Variants in PSAT1 observed in about 807,000 individuals in gnomAD.
PSAT1 encodes phosphoserine aminotransferase 1.
PSAT1 carries 41 observed loss-of-function variants against 40.3 expected under a neutral mutation model. The ratio of observed to expected loss-of-function variants is 1.02; its 90% CI spans 0.79 to 1.32. PSAT1 has a LOEUF of 1.32. Ranked by LOEUF, PSAT1 falls within the 40% of genes most tolerant of loss-of-function variation. PSAT1 has a pLI of 0.00. For missense variants in PSAT1, 406 were observed against 455.8 expected, an observed-to-expected ratio of 0.89 and a Z score of 0.99; for synonymous variants, 147 against 170.5, an observed-to-expected ratio of 0.86 and a Z score of 1.07.
chr9:78,299,886 A>G (rs1398168550), intron 1 of PSAT1, among the ~76,000 whole-genome samples: 1 of 152,060 alleles, frequency 6.6e-6, no homozygotes, highest in Non-Finnish European at 1.5e-5. Flanking sequence ...GCTGTGTTTT[A>G]ATGATGCCCT....
intron 3 of PSAT1, among the ~76,000 whole-genome samples, chr9:78,303,173 T>A (rs1326677640): frequency 6.6e-6 from 1 of 152,176 alleles, no homozygotes; most frequent in Non-Finnish European, 1.5e-5. Flanking sequence ...TTAACAAAAT[T>A]GGAATTATAC....
intron 8 of PSAT1, 21 bp downstream of exon 8, chr9:78,328,209 C>T (rs748218076): frequency 5.8e-5 from 93 of 1,613,678 alleles, no homozygotes; most frequent in Middle Eastern, 5.0e-4. Flanking sequence ...CTGCAATGCA[C>T]GAGCTTGGCA....
intron 6 of PSAT1, among the ~76,000 whole-genome samples, chr9:78,310,753 G>T (rs1350686869): frequency 6.6e-6 from 1 of 151,948 alleles, no homozygotes; most frequent in Admixed American, 6.6e-5. Context: ...GAGTACAGAC[G>T]CCTGCCACCA....
At chr9:78,301,388 G>A (rs572400645) in intron 2 of PSAT1, among the ~76,000 whole-genome samples, 3 of 152,166 alleles carry the variant, frequency 2.0e-5, no homozygotes, top group Non-Finnish European at 2.9e-5. Flanking sequence ...TGAAGACCTC[G>A]CACATTGATA....
chr9:78,314,386 G>A (rs1273450693), intron 6 of PSAT1, among the ~76,000 whole-genome samples: 1 of 105,382 alleles, frequency 9.5e-6, no homozygotes, highest in African/African-American at 3.9e-5. Flanking sequence ...CTCTTATCCT[G>A]TGTTAAGTAG....
chr9:78,314,722 G>A (rs1486130124), intron 6 of PSAT1, among the ~76,000 whole-genome samples: 3 of 152,122 alleles, frequency 2.0e-5, no homozygotes, highest in Admixed American at 6.5e-5. Flanking sequence ...CATGGGCGGC[G>A]AGTGTGAGCA....
chr9:78,297,148 G>A lies in PSAT1; in HGVS notation c.-63G>A. On this transcript the variant is annotated 5_prime_UTR_variant, in exon 1 of 9. Coordinates refer to ENST00000376588, the MANE Select transcript of PSAT1 (RefSeq NM_058179.4). ...CTGCAGACTCTCACCGCAGCGGCCA[G>A]GAACGCCAGCCGTTCACGCGTTCGG... The A allele has an allele frequency of 6.6e-7, 1 of 1,516,892 alleles. No individual in the cohort carries two copies. The highest frequency in any genetic ancestry group is 8.9e-7 in the Non-Finnish European group (1 of 1,119,850). The allele number at this position is 1,516,892 out of a possible 1,614,324, so 94.0% of individuals were successfully genotyped here.
At chr9:78,310,779 C>T (rs562489744) in intron 6 of PSAT1, among the ~76,000 whole-genome samples, 161 of 152,136 alleles carry the variant, frequency 1.1e-3, no homozygotes, top group Non-Finnish European at 1.9e-3. Context: ...GGCTACTTTT[C>T]GTATTTTTAG....
intron 7 of PSAT1, among the ~76,000 whole-genome samples, chr9:78,321,242 C>G (rs1828425567): frequency 6.6e-6 from 1 of 152,176 alleles, no homozygotes; most frequent in Admixed American, 6.5e-5. Flanking sequence ...CCACCACCCC[C>G]TCAGTTGCCT....
chr9:78,329,061 A>C lies in PSAT1; in HGVS notation c.1088A>C (p.Lys363Thr), dbSNP rs1417176374. Reference sequence around the variant, plus strand: ...CAGAAGCTGGCCGCCTTCATGAAAAAATTTTTGGAGATGCATCAGCTATGA... The same window carrying C: ...CAGAAGCTGGCCGCCTTCATGAAAACATTTTTGGAGATGCATCAGCTATGA... ...DVQKLAAFMKKFLEMHQL is the reference protein window; with the variant it reads ...DVQKLAAFMKTFLEMHQL The change falls in exon 9 of 9, where the codon AAA becomes ACA. Residue 363 changes from lysine (K) to threonine (T), a missense_variant. Transcript: ENST00000376588. 1 of 1,612,432 alleles carries C rather than the reference A, an allele frequency of 6.2e-7. No homozygotes were observed. Among genetic ancestry groups the C allele is most frequent in the Non-Finnish European group, 8.5e-7 (1 of 1,179,758 alleles).
intron 3 of PSAT1, 25 bp from the exon 4 acceptor site, chr9:78,304,710 G>T (rs2118636958): frequency 6.3e-7 from 1 of 1,587,772 alleles, no homozygotes; most frequent in South Asian, 1.1e-5. Flanking sequence ...TTTATGTATT[G>T]ACTGTTACCT....
In PSAT1 at chr9:78,300,651, T is replaced by C. The variant is rs1828094217; in HGVS notation, c.110T>C (p.Ile37Thr). 2 of 1,608,500 alleles carry C rather than the reference T, an allele frequency of 1.2e-6. No individual in the cohort carries two copies. Among genetic ancestry groups the C allele is most frequent in the Non-Finnish European group, 1.7e-6 (2 of 1,178,656 alleles). ...KELLDYKGVG[I>T]SVLEMSHRSS... Reference sequence around the variant, plus strand: ...TTATTAGACTACAAAGGAGTTGGCATTAGTGTTCTTGGTAAGATTTACTTT... The same window carrying C: ...TTATTAGACTACAAAGGAGTTGGCACTAGTGTTCTTGGTAAGATTTACTTT... Residue 37 changes from isoleucine (I) to threonine (T), a missense_variant, in exon 2 of 9, where the codon ATT becomes ACT. Transcript: ENST00000376588.
intron 3 of PSAT1, among the ~76,000 whole-genome samples, chr9:78,304,436 G>A (rs775978094): frequency 1.3e-5 from 2 of 152,196 alleles, no homozygotes; most frequent in South Asian, 2.1e-4. Flanking sequence ...GAACCATGTC[G>A]ACTGAGAGTG....
intron 6 of PSAT1, among the ~76,000 whole-genome samples, chr9:78,316,874 G>T (rs1171385778): frequency 6.6e-6 from 1 of 152,186 alleles, no homozygotes; most frequent in Non-Finnish European, 1.5e-5. Context: ...TGAACAGCGT[G>T]GGCTTCTAGC....
At chr9:78,298,336 A>G in intron 1 of PSAT1, 1 of 985,046 alleles carries the variant, frequency 1.0e-6, no homozygotes, top group Non-Finnish European at 1.2e-6. Context: ...CAAGTATTTT[A>G]CAATTATCAA....
At chr9:78,321,648 G>C (rs1244161293) in intron 7 of PSAT1, among the ~76,000 whole-genome samples, 1 of 152,034 alleles carries the variant, frequency 6.6e-6, no homozygotes, top group Non-Finnish European at 1.5e-5. Context: ...GGGAATTCTG[G>C]GACTAGATAA....
intron 3 of PSAT1, among the ~76,000 whole-genome samples, chr9:78,302,397 C>T (rs535508946): frequency 4.6e-5 from 7 of 152,136 alleles, no homozygotes; most frequent in South Asian, 4.1e-4. Context: ...GAGTCTCATA[C>T]GATCTGTCAG....
intron 3 of PSAT1, among the ~76,000 whole-genome samples, chr9:78,303,296 G>A (rs1235068823): frequency 6.6e-6 from 1 of 152,184 alleles, no homozygotes; most frequent in African/African-American, 2.4e-5. Context: ...TGAATGTTCA[G>A]AGCTGGTAGC....
In PSAT1 at chr9:78,317,611, G is replaced by C. The variant is rs1828366132; in HGVS notation, c.741-65G>C. 1.9e-6 allele frequency: 3 copies of C among 1,574,302 alleles called. No homozygotes were observed. In the African/African-American group the frequency reaches 4.1e-5, roughly 21 times the overall value. ...TTTAATGCACCTTCAACAGCAGTTTGCTTGAATATAGTTCTACTTTTGCAA... is the reference window on the plus strand; with the variant it reads ...TTTAATGCACCTTCAACAGCAGTTTCCTTGAATATAGTTCTACTTTTGCAA... On this transcript the variant is annotated intron_variant, in intron 6 of 8. Transcript: ENST00000376588.
Sources: gnomAD v4.1 joint callset for allele counts (sites outside exome capture counted in the v4.1 genomes callset) on GRCh38, gnomAD v4.1.1 for gene constraint, MANE v1.5 for transcripts, NCBI Gene and HGNC (gene_info 2026-07-23, HGNC 2026-07-21) for gene names.